The following TUNAR variants were observed in gnomAD, a reference collection of about 807,000 sequenced individuals.
TUNAR encodes transmembrane neural differentiation associated intracellular calcium regulator.
intron 2 of TUNAR, among the ~76,000 whole-genome samples, chr14:95,892,994 G>A (rs1312623809): frequency 6.6e-6 from 1 of 152,130 alleles, no homozygotes; most frequent in African/African-American, 2.4e-5. Context: ...CAAGGAGGTG[G>A]CCCCTCTGAA....
intron 2 of TUNAR, among the ~76,000 whole-genome samples, chr14:95,891,106 AT>A (rs1386190040): frequency 2.0e-5 from 3 of 152,260 alleles, no homozygotes; most frequent in Non-Finnish European, 4.4e-5. Flanking sequence ...TCGAACTAAC[AT>A]TCGCAAATTA....
rs1344947108 is a variant in TUNAR at position 95,915,524 on chromosome 14, G to GCCT, written c.13-7254_13-7252dup. ...CATCCCCATGGCAGCTTGATTGACA[G>GCCT]CCTCCATTAGGAAGGGTAATTTTCC... On this transcript the variant is annotated intron_variant, in intron 2 of 2. Coordinates refer to ENST00000678517, the Ensembl canonical transcript of TUNAR. Among the ~76,000 whole-genome samples, 9 of 152,318 alleles carry GCCT rather than the reference G, an allele frequency of 5.9e-5. No individual in the cohort carries two copies. The East Asian group carries it at 1.5e-3, about 26-fold the overall frequency.
intron 2 of TUNAR, among the ~76,000 whole-genome samples, chr14:95,891,980 T>C (rs1471940763): frequency 2.0e-5 from 3 of 152,238 alleles, no homozygotes; most frequent in Non-Finnish European, 4.4e-5. Context: ...GTCCAAATCC[T>C]CTATTTTCCT....
At chr14:95,910,275 G>A (rs1174205768) in intron 2 of TUNAR, among the ~76,000 whole-genome samples, 2 of 152,198 alleles carry the variant, frequency 1.3e-5, no homozygotes, top group African/African-American at 2.4e-5. Context: ...CCAACATTTG[G>A]TGGAGGTGGG....
At position 95,891,412 on chromosome 14, in the gene TUNAR, G is replaced by A. The variant is rs566671808; in HGVS notation, c.12+14235G>A. Among the ~76,000 whole-genome samples the A allele has an allele frequency of 2.6e-5, 4 of 152,304 alleles. No individual in the cohort carries two copies. The East Asian group carries it at 7.7e-4, about 29-fold the overall frequency. ...TTCGCCCTCTCTCCACAAGAGCCCT[G>A]CGATTCATATAAGTTCTGTTTATAA... On this transcript the variant is annotated intron_variant, in intron 2 of 2. Transcript: ENST00000678517.
chr14:95,912,840 G>T (rs1310824882), intron 2 of TUNAR, among the ~76,000 whole-genome samples: 1 of 151,848 alleles, frequency 6.6e-6, no homozygotes, highest in Non-Finnish European at 1.5e-5. Flanking sequence ...GCCCAGGCTG[G>T]AGTGCAGTGG....
chr14:95,890,234 C>T (rs1317028340), intron 2 of TUNAR, among the ~76,000 whole-genome samples: 1 of 152,190 alleles, frequency 6.6e-6, no homozygotes, highest in East Asian at 1.9e-4. Flanking sequence ...AAGCCATCAG[C>T]GACCAGGATG....
intron 2 of TUNAR, among the ~76,000 whole-genome samples, chr14:95,889,959 CA>C (rs535897006): frequency 0.031 from 2,886 of 92,176 alleles, 24 homozygotes; most frequent in Middle Eastern, 0.11. Flanking sequence ...GACACAAAGA[CA>C]AAAAAAAAAA....
At chr14:95,907,944 A>G (rs1285230441) in intron 2 of TUNAR, among the ~76,000 whole-genome samples, 4 of 152,062 alleles carry the variant, frequency 2.6e-5, no homozygotes, top group African/African-American at 7.2e-5. Flanking sequence ...TGGGGCTTTT[A>G]TGGACCTCAG....
chr14:95,901,014 G>A lies in TUNAR; in HGVS notation c.13-21767G>A, dbSNP rs183493481. Among the ~76,000 whole-genome samples the A allele has an allele frequency of 1.3e-3, 200 of 152,254 alleles. 1 individual carries two copies. Among genetic ancestry groups the A allele is most frequent in the Non-Finnish European group, 2.9e-4 (20 of 68,032 alleles). On this transcript the variant is annotated intron_variant, in intron 2 of 2. Transcript: ENST00000678517. ...GTGCCCTTTACCTATTTTTAGGAGC[G>A]TATTTTTCCCTGCTTTTTAGTTTCA...
chr14:95,907,438 G>A (rs1320100553), intron 2 of TUNAR, among the ~76,000 whole-genome samples: 4 of 152,216 alleles, frequency 2.6e-5, no homozygotes. Context: ...GAAGTCAACG[G>A]TAAGCATAAG....
chr14:95,924,882 A>G (rs961044057), exon 3 of TUNAR: 1 of 152,258 alleles, frequency 6.6e-6, no homozygotes, highest in East Asian at 1.9e-4. Context: ...TGAGGCTTCT[A>G]TAGTCTATGC....
chr14:95,922,405 T>G (rs951963402), intron 2 of TUNAR, among the ~76,000 whole-genome samples: 5 of 152,206 alleles, frequency 3.3e-5, no homozygotes, highest in African/African-American at 1.2e-4. Context: ...TAACCCAATA[T>G]GTGAGAGTAT....
At chr14:95,915,707 G>T (rs1230498747) in intron 2 of TUNAR, among the ~76,000 whole-genome samples, 2 of 152,238 alleles carry the variant, frequency 1.3e-5, no homozygotes, top group African/African-American at 4.8e-5. Context: ...CTAGGCCCAG[G>T]CCACACACGG....
intron 2 of TUNAR, among the ~76,000 whole-genome samples, chr14:95,883,487 C>T (rs1595114543): frequency 6.6e-6 from 1 of 152,252 alleles, no homozygotes; most frequent in East Asian, 1.9e-4. Context: ...CTGGTCCAGG[C>T]ACTGCTAGGC....
chr14:95,905,408 A>G (rs1278099570), intron 2 of TUNAR, among the ~76,000 whole-genome samples: 1 of 152,072 alleles, frequency 6.6e-6, no homozygotes, highest in Non-Finnish European at 1.5e-5. Context: ...TGACCCTAAC[A>G]CTTCAGAAGA....
intron 2 of TUNAR, among the ~76,000 whole-genome samples, chr14:95,907,437 G>A (rs1032938539): frequency 1.3e-5 from 2 of 152,180 alleles, no homozygotes; most frequent in African/African-American, 2.4e-5. Context: ...GGAAGTCAAC[G>A]GTAAGCATAA....
chr14:95,911,419 T>C (rs1193417053), intron 2 of TUNAR, among the ~76,000 whole-genome samples: 1 of 152,270 alleles, frequency 6.6e-6, no homozygotes, highest in East Asian at 1.9e-4. Flanking sequence ...TTCCGTTCAC[T>C]GGGCCATGAG....
intron 2 of TUNAR, among the ~76,000 whole-genome samples, chr14:95,886,952 C>T (rs995958900): frequency 2.6e-5 from 4 of 152,096 alleles, no homozygotes; most frequent in African/African-American, 9.7e-5. Context: ...AGATGTCTGG[C>T]CTTTTGTTTG....
Sources: allele counts gnomAD v4.1 joint callset (sites outside exome capture counted in the v4.1 genomes callset), GRCh38; gene constraint gnomAD v4.1.1; transcripts MANE v1.5; gene names NCBI Gene and HGNC (gene_info 2026-07-23, HGNC 2026-07-21).